Variants in HOOK1 observed in about 807,000 individuals in gnomAD.
The protein encoded by HOOK1 is protein Hook homolog 1.
In HOOK1, 60 loss-of-function variants were observed where a neutral mutation model predicts 112.8. The ratio of observed to expected loss-of-function variants is 0.53; its 90% CI spans 0.43 to 0.66. The LOEUF (loss-of-function observed/expected upper bound fraction) is 0.66, where lower values mean the gene tolerates loss of function less well. HOOK1 is among the 30% of genes least tolerant of loss of function. The pLI is 0.00. For synonymous variants in HOOK1, 294 were observed against 283.8 expected (o/e 1.04, Z -0.36); for missense variants, 770 against 856.0 (o/e 0.90, Z 1.25).
At chr1:59,846,567 C>T (rs1202384261) in intron 9 of HOOK1, among the ~76,000 whole-genome samples, 10 of 75,484 alleles carry the variant, frequency 1.3e-4, no homozygotes, top group African/African-American at 5.4e-4. Context: ...TCCTTCCTTC[C>T]TTCCTTCCTT....
At chr1:59,840,210 C>A in intron 7 of HOOK1, 98 bp from the exon 8 acceptor site, 1 of 570,768 alleles carries the variant, frequency 1.8e-6, no homozygotes, top group Non-Finnish European at 2.7e-6. Flanking sequence ...TTTCCCATAT[C>A]AGTGTATATG....
At chr1:59,837,441 T>C (rs2098398475) in intron 7 of HOOK1, among the ~76,000 whole-genome samples, 1 of 152,174 alleles carries the variant, frequency 6.6e-6, no homozygotes, top group South Asian at 2.1e-4. Context: ...CTTTTTCTGT[T>C]ATATTTTTAA....
Position 59,868,327 on chromosome 1 carries a change from A to G in HOOK1, c.1923A>G (p.Lys641=), listed in dbSNP as rs775651427. 38 of 1,605,504 alleles carry G rather than the reference A, an allele frequency of 2.4e-5. No individual in the cohort carries two copies. The highest frequency in any genetic ancestry group is 3.2e-5 in the Non-Finnish European group (38 of 1,173,100). Residue 641 remains lysine (K), a synonymous_variant, in exon 20 of 22, where the codon AAA becomes AAG. Transcript: ENST00000371208. The part of the protein sequence containing the change: ...IMLLRKQLAE[K]ERRIEILESE... ...TACTAAGAAAGCAGTTGGCAGAGAA[A>G]GAGAGAAGAATTGAGATTCTGGAGG...
Position 59,814,968 on chromosome 1 carries a change from C to G in HOOK1, c.-150C>G. 1 of 719,282 alleles carries G rather than the reference C, an allele frequency of 1.4e-6. No individual in the cohort carries two copies. The highest frequency in any genetic ancestry group is 2.3e-6 in the Non-Finnish European group (1 of 443,702). 44.6% of individuals were successfully genotyped at this position (719,282 alleles called of 1,614,324 possible). On this transcript the variant is annotated 5_prime_UTR_variant, in exon 1 of 22. Coordinates refer to ENST00000371208, the MANE Select transcript of HOOK1 (RefSeq NM_015888.6). Reference sequence around the variant, plus strand: ...GAGGGGGTGACGCCGGACGCGTCGACAGCGCGAGGGTTCGCGCGTGAGCTG... The same window carrying G: ...GAGGGGGTGACGCCGGACGCGTCGAGAGCGCGAGGGTTCGCGCGTGAGCTG...
At chr1:59,838,872 G>T (rs2098399447) in intron 7 of HOOK1, among the ~76,000 whole-genome samples, 2 of 152,116 alleles carry the variant, frequency 1.3e-5, no homozygotes, top group Admixed American at 6.5e-5. Flanking sequence ...GTTGATTTTT[G>T]TATAAGATGT....
intron 12 of HOOK1, among the ~76,000 whole-genome samples, chr1:59,851,396 G>C (rs2098407070): frequency 6.6e-6 from 1 of 151,664 alleles, no homozygotes; most frequent in East Asian, 1.9e-4. Context: ...TTTTAAACAT[G>C]TATTCCTAAG....
intron 9 of HOOK1, among the ~76,000 whole-genome samples, chr1:59,846,513 CTTCCTTCCTTCCTT>C (rs2098403865): frequency 2.1e-5 from 3 of 145,754 alleles, no homozygotes; most frequent in Non-Finnish European, 3.0e-5. Context: ...CCCTCCCTTT[CTTCCTTCCTTCCTT>C]TTCCTTCCTT....
intron 2 of HOOK1, among the ~76,000 whole-genome samples, chr1:59,828,525 C>A (rs1037198955): frequency 1.3e-5 from 2 of 152,110 alleles, no homozygotes. Context: ...TTTTTTACCT[C>A]TTCACGGTTG....
intron 12 of HOOK1, among the ~76,000 whole-genome samples, chr1:59,851,268 G>A (rs1013795024): frequency 4.0e-5 from 6 of 151,512 alleles, no homozygotes; most frequent in Non-Finnish European, 7.4e-5. Flanking sequence ...ATTTAGAAAT[G>A]TTGCCACTTA....
At chr1:59,851,772 G>A (rs967288610) in intron 12 of HOOK1, among the ~76,000 whole-genome samples, 1 of 151,554 alleles carries the variant, frequency 6.6e-6, no homozygotes, top group African/African-American at 2.4e-5. Context: ...TCACCATTAT[G>A]TATGATACTA....
At chr1:59,818,832 A>C (rs1327378504) in intron 1 of HOOK1, among the ~76,000 whole-genome samples, 2 of 152,134 alleles carry the variant, frequency 1.3e-5, no homozygotes, top group East Asian at 1.9e-4. Context: ...GGAGGAGGAG[A>C]ATATGAAAAT....
intron 2 of HOOK1, among the ~76,000 whole-genome samples, chr1:59,825,011 C>T (rs920580031): frequency 3.3e-5 from 5 of 152,300 alleles, no homozygotes; most frequent in South Asian, 4.1e-4. Flanking sequence ...TTCTAGGAGA[C>T]GATTCTCCTT....
At chr1:59,843,647 A>G (rs763177319) in intron 9 of HOOK1, 49 bp downstream of exon 9, 1 of 1,421,818 alleles carries the variant, frequency 7.0e-7, no homozygotes, top group South Asian at 1.3e-5. Flanking sequence ...CTATTATACC[A>G]GTAGCAAAAA....
At position 59,848,442 on chromosome 1, in the gene HOOK1, A is replaced by T. The variant is rs998694167; in HGVS notation, c.1057A>T (p.Asn353Tyr). Residue 353 changes from asparagine to tyrosine, a missense_variant, in exon 11 of 22, where the codon AAT (asparagine) becomes TAT (tyrosine). Coordinates refer to ENST00000371208, the MANE Select transcript of HOOK1 (RefSeq NM_015888.6). ...GGAAACCAACATGATGTATATGCAT[A>T]ATACAGTCAGCTTAGAAGAAGAATT... Reference protein sequence around the residue: ...LQETNMMYMHNTVSLEEELKK... With the variant: ...LQETNMMYMHYTVSLEEELKK... 6.2e-6 allele frequency: 10 copies of T among 1,610,328 alleles called. No homozygotes were observed. Among genetic ancestry groups the T allele is most frequent in the Non-Finnish European group, 8.5e-6 (10 of 1,177,302 alleles).
In HOOK1 at chr1:59,864,904, A is replaced by G. The variant is rs1002499910; in HGVS notation, c.1661+238A>G. 8.9e-6 allele frequency: 5 copies of G among 560,122 alleles called. No homozygotes were observed. In the African/African-American group the frequency reaches 9.5e-5, roughly 11 times the overall value. 34.7% of individuals were successfully genotyped at this position (560,122 alleles called of 1,614,324 possible). ...AAAAGTTTAAAAAAACAGATTAACTATCACAACTAGATTATATGGGATGTT... is the reference window on the plus strand; with the variant it reads ...AAAAGTTTAAAAAAACAGATTAACTGTCACAACTAGATTATATGGGATGTT... On this transcript the variant is annotated intron_variant, in intron 17 of 21. Transcript: ENST00000371208.
At position 59,873,725 on chromosome 1, in the gene HOOK1, CTATATATATATATA is replaced by C. The variant is rs58867974; in HGVS notation, c.*787_*800del. On this transcript the variant is annotated 3_prime_UTR_variant, in exon 22 of 22. Coordinates refer to ENST00000371208, the MANE Select transcript of HOOK1 (RefSeq NM_015888.6). ...AGGTGACTTTCTGATGGAAAGCAAGCTATATATATATATATATATATATATATATATATATATAT... is the reference window on the plus strand; with the variant it reads ...AGGTGACTTTCTGATGGAAAGCAAGCTATATATATATATATATATATATAT... 59 of 56,224 alleles carry C rather than the reference CTATATATATATATA, an allele frequency of 1.0e-3. 2 individuals are homozygous for C. The highest frequency in any genetic ancestry group is 4.1e-3 in the Admixed American group (19 of 4,586). The allele number at this position is 56,224 out of a possible 1,614,324, so 3.5% of individuals were successfully genotyped here.
intron 1 of HOOK1, among the ~76,000 whole-genome samples, chr1:59,820,755 T>G (rs1245391473): frequency 6.6e-6 from 1 of 152,196 alleles, no homozygotes; most frequent in Non-Finnish European, 1.5e-5. Flanking sequence ...TGTCTCTTCC[T>G]CCTCTCCTTA....
chr1:59,873,034 C>G lies in HOOK1; in HGVS notation c.*69C>G. The G allele has an allele frequency of 3.4e-6, 4 of 1,165,374 alleles. 1 individual carries two copies. In the South Asian group the frequency reaches 1.3e-4, roughly 37 times the overall value. The allele number at this position is 1,165,374 out of a possible 1,614,324, so 72.2% of individuals were successfully genotyped here. On this transcript the variant is annotated 3_prime_UTR_variant, in exon 22 of 22. Coordinates refer to ENST00000371208, the MANE Select transcript of HOOK1 (RefSeq NM_015888.6). ...GAAGTGTCCTTAAAATATTTTGTACCTTTCAACTAACTACCAGATTGAAAA... is the reference window on the plus strand; with the variant it reads ...GAAGTGTCCTTAAAATATTTTGTACGTTTCAACTAACTACCAGATTGAAAA...
At chr1:59,861,405 T>C (rs2098413541) in intron 15 of HOOK1, among the ~76,000 whole-genome samples, 1 of 152,212 alleles carries the variant, frequency 6.6e-6, no homozygotes, top group African/African-American at 2.4e-5. Flanking sequence ...AAACTTACAC[T>C]CAGTGTCTTC....
Sources: gnomAD v4.1 joint callset for allele counts (sites outside exome capture counted in the v4.1 genomes callset) on GRCh38, gnomAD v4.1.1 for gene constraint, MANE v1.5 for transcripts, NCBI Gene and HGNC (gene_info 2026-07-23, HGNC 2026-07-21) for gene names.